The following MMP26 variants were observed in gnomAD, a reference collection of about 807,000 sequenced individuals.
MMP26 encodes matrix metalloproteinase-26.
A neutral mutation model predicts 31.0 loss-of-function variants in MMP26; 33 were observed. The observed-to-expected ratio is 1.06, with a 90% confidence interval of 0.81 to 1.42. The LOEUF is 1.42. Among genes scored for constraint, MMP26 ranks in the 40% most tolerant of loss-of-function variants. MMP26 has a pLI of 0.00. For synonymous variants in MMP26, 122 were observed against 114.9 expected, an observed-to-expected ratio of 1.06 and a Z score of -0.40; for missense variants, 347 against 316.1, an observed-to-expected ratio of 1.10 and a Z score of -0.74.
intron 2 of MMP26, among the ~76,000 whole-genome samples, chr11:4,771,530 A>T (rs1589896034): frequency 1.3e-5 from 2 of 152,328 alleles, no homozygotes; most frequent in East Asian, 1.9e-4. Context: ...CGCCTCTTTC[A>T]AGTAAAATTC....
chr11:4,902,604 G>A (rs879830602), intron 2 of MMP26, among the ~76,000 whole-genome samples: 1 of 152,102 alleles, frequency 6.6e-6, no homozygotes, highest in Non-Finnish European at 1.5e-5. Flanking sequence ...TGAGTTTCAA[G>A]AATTCTTGTG....
In MMP26 at chr11:4,838,007, T is replaced by C. The variant is rs1471304940; in HGVS notation, c.-145+70666T>C. 1.3e-5 allele frequency among the ~76,000 whole-genome samples: 2 copies of C among 151,878 alleles called. 1 individual carries two copies. Among genetic ancestry groups the C allele is most frequent in the Non-Finnish European group, 2.9e-5 (2 of 67,968 alleles). ...TTGTATATGCAAGAAAAAGGCATTC[T>C]CTGACATAGTATAGAAGTATGATTT... is the stretch of plus-strand genomic sequence containing the variant. On this transcript the variant is annotated intron_variant, in intron 2 of 7. Transcript: ENST00000380390.
chr11:4,982,121 C>T (rs74054432), intron 2 of MMP26, among the ~76,000 whole-genome samples: 7,368 of 151,556 alleles, frequency 0.049, 598 homozygotes, highest in African/African-American at 0.17. Context: ...TATACATACA[C>T]ATATAAACAT....
At chr11:4,915,286 G>C (rs1292556582) in intron 2 of MMP26, 2 of 1,613,914 alleles carry the variant, frequency 1.2e-6, no homozygotes, top group African/African-American at 2.7e-5. Context: ...CCACAAAGCG[G>C]TCAAAGGCCA....
At chr11:4,918,265 G>A (rs1298498441) in intron 2 of MMP26, among the ~76,000 whole-genome samples, 2 of 152,180 alleles carry the variant, frequency 1.3e-5, no homozygotes, top group Admixed American at 6.5e-5. Context: ...TTTGGTTAAC[G>A]AATCCCAGCA....
chr11:4,826,169 T>A (rs572214918), intron 2 of MMP26, among the ~76,000 whole-genome samples: 31 of 152,010 alleles, frequency 2.0e-4, no homozygotes, highest in Non-Finnish European at 4.0e-4. Flanking sequence ...GGAAAGGCCT[T>A]CCGTAAGAAG....
At chr11:4,763,095 G>A (rs1291820483) in intron 1 of MMP26, among the ~76,000 whole-genome samples, 2 of 152,242 alleles carry the variant, frequency 1.3e-5, no homozygotes, top group East Asian at 1.9e-4. Flanking sequence ...TTGAAAATAA[G>A]TTAGAATAAG....
rs201688796 is a variant in MMP26, at chr11:4,705,988, GGT to G, written c.-217+945_-217+946del. On this transcript the variant is annotated intron_variant, in intron 1 of 7. Transcript: ENST00000380390. The stretch of plus-strand genomic sequence containing the variant: ...GGTGGGGGCGGGTGGTGGTGGTGGT[GGT>G]GGGGGGAGCTGTTCTTGGACCCATG... Among the ~76,000 whole-genome samples, 209 of 149,590 alleles carry G rather than the reference GGT, an allele frequency of 1.4e-3. 1 individual carries two copies. Among genetic ancestry groups the G allele is most frequent in the African/African-American group, 5.1e-3 (204 of 40,248 alleles).
intron 2 of MMP26, among the ~76,000 whole-genome samples, chr11:4,822,896 T>C (rs1177138786): frequency 1.3e-5 from 2 of 152,184 alleles, no homozygotes; most frequent in Admixed American, 1.3e-4. Context: ...GGCTACCTAA[T>C]GTAAATACAA....
At chr11:4,883,840 G>T (rs1299266251) in intron 2 of MMP26, among the ~76,000 whole-genome samples, 4 of 152,088 alleles carry the variant, frequency 2.6e-5, no homozygotes, top group African/African-American at 7.2e-5. Context: ...GGGTGCTGGA[G>T]ATAATTCTTC....
chr11:4,715,251 G>A (rs144856268), intron 1 of MMP26, among the ~76,000 whole-genome samples: 13 of 150,470 alleles, frequency 8.6e-5, no homozygotes, highest in Middle Eastern at 3.4e-3. Context: ...GTATTTGATC[G>A]TACAATGGAA....
chr11:4,800,567 G>T (rs1023779214), intron 2 of MMP26, among the ~76,000 whole-genome samples: 9 of 152,138 alleles, frequency 5.9e-5, no homozygotes, highest in Admixed American at 5.2e-4. Context: ...TTTTCCCATT[G>T]GCTTGGATAT....
At chr11:4,714,416 G>T (rs1038406627) in intron 1 of MMP26, among the ~76,000 whole-genome samples, 2 of 152,064 alleles carry the variant, frequency 1.3e-5, no homozygotes, top group Non-Finnish European at 2.9e-5. Context: ...GCCACTGAAG[G>T]TCCTAAAGTC....
At chr11:4,907,606 T>A in intron 2 of MMP26, 1 of 1,613,810 alleles carries the variant, frequency 6.2e-7, no homozygotes. Context: ...CCTCCCTTCC[T>A]ACCATGTTGA....
chr11:4,756,160 A>C (rs1848502331), intron 1 of MMP26, among the ~76,000 whole-genome samples: 1 of 152,132 alleles, frequency 6.6e-6, no homozygotes, highest in Admixed American at 6.5e-5. Context: ...ATTAAAGTGC[A>C]CATTGAACAT....
chr11:4,967,439 C>A (rs993347729), intron 2 of MMP26, among the ~76,000 whole-genome samples: 2 of 152,108 alleles, frequency 1.3e-5, no homozygotes, highest in Admixed American at 6.5e-5. Flanking sequence ...TCTTTCAAGG[C>A]CAAGAAGCCA....
In MMP26 at chr11:4,706,807, A is replaced by G. The variant is rs572780227; in HGVS notation, c.-217+1762A>G. ...CCTAGTCTGTTGCAATCACCATTCT[A>G]GTTTCTGTTTCTATGAGTTTGGCTA... On this transcript the variant is annotated intron_variant, in intron 1 of 7. Transcript: ENST00000380390. 3.1e-3 allele frequency among the ~76,000 whole-genome samples: 467 copies of G among 152,090 alleles called. 9 individuals carry two copies. Among genetic ancestry groups the G allele is most frequent in the East Asian group, 1.9e-4 (1 of 5,180 alleles).
At chr11:4,873,417 A>G (rs184755080) in intron 2 of MMP26, among the ~76,000 whole-genome samples, 4 of 152,258 alleles carry the variant, frequency 2.6e-5, no homozygotes, top group Admixed American at 2.0e-4. Context: ...CATTAATGAT[A>G]AAGTGCAAAG....
chr11:4,717,145 C>T (rs1346804367), intron 1 of MMP26, among the ~76,000 whole-genome samples: 3 of 152,218 alleles, frequency 2.0e-5, no homozygotes, highest in Admixed American at 1.3e-4. Flanking sequence ...ACTCCATCCC[C>T]TCCAACTTTC....
Sources: allele counts gnomAD v4.1 joint callset (sites outside exome capture counted in the v4.1 genomes callset), GRCh38; gene constraint gnomAD v4.1.1; transcripts MANE v1.5; gene names NCBI Gene and HGNC (gene_info 2026-07-23, HGNC 2026-07-21).